MOCS1: variants seen among roughly 807,000 people sequenced by gnomAD.
MOCS1 encodes molybdenum cofactor biosynthesis protein 1.
Under a neutral mutation model 57.6 loss-of-function variants are expected in MOCS1, and 39 were observed. The observed-to-expected ratio is 0.68, with a 90% confidence interval of 0.52 to 0.88. The LOEUF (loss-of-function observed/expected upper bound fraction) is 0.88. MOCS1 is among the 40% of genes least tolerant of loss of function. The probability of loss-of-function intolerance (pLI) is 0.00; values close to 1 mark genes in which losing one functional copy is unlikely to be tolerated. For missense variants in MOCS1, 795 were observed against 831.1 expected, an observed-to-expected ratio of 0.96 and a Z score of 0.53; for synonymous variants, 334 against 335.7, an observed-to-expected ratio of 1.00 and a Z score of 0.05.
chr6:39,905,615 G>C lies in MOCS1; in HGVS notation c.*742C>G, dbSNP rs1766838120. 1 of 471,090 alleles carries C rather than the reference G, an allele frequency of 2.1e-6. No individual in the cohort carries two copies. Among genetic ancestry groups the C allele is most frequent in the African/African-American group, 2.0e-5 (1 of 50,088 alleles). The allele number at this position is 471,090 out of a possible 1,614,324, so 29.2% of individuals were successfully genotyped here. On this transcript the variant is annotated 3_prime_UTR_variant, in exon 11 of 11. Coordinates refer to ENST00000340692, the MANE Select transcript of MOCS1 (RefSeq NM_001358530.2). The stretch of plus-strand genomic sequence containing the variant: ...TTTCCCTGATATGCTCCAGAATAAA[G>C]AGGGGTGGGTGGAACAGCCGTGAAC...
At position 39,906,370 on chromosome 6, in the gene MOCS1, A is replaced by G; in HGVS notation, c.1898T>C (p.Phe633Ser). 1.3e-6 allele frequency: 2 copies of G among 1,595,812 alleles called. No individual in the cohort carries two copies. Among genetic ancestry groups the G allele is most frequent in the Non-Finnish European group, 1.7e-6 (2 of 1,167,868 alleles). Residue 633 changes from phenylalanine to serine, a missense_variant, in exon 11 of 11, where the codon TTC becomes TCC. Phe to Ser is a radical substitution (Grantham distance 155). This residue lies in a region of MOCS1 where 374 missense variants were observed against 422.6 expected (regional missense o/e 0.89). Coordinates refer to ENST00000340692, the MANE Select transcript of MOCS1 (RefSeq NM_001358530.2). The part of the protein sequence containing the change: ...ISKTGGQRGD[F>S]HRA ...GAAGGGCAGGTGCTAAGCCCGATGGAAGTCCCCCCGCTGACCACCAGTCTT... is the reference window on the plus strand; with the variant it reads ...GAAGGGCAGGTGCTAAGCCCGATGGGAGTCCCCCCGCTGACCACCAGTCTT...
chr6:39,910,895 T>C (rs1424545392), intron 8 of MOCS1, among the ~76,000 whole-genome samples: 1 of 152,028 alleles, frequency 6.6e-6, no homozygotes, highest in Non-Finnish European at 1.5e-5. Flanking sequence ...TTCAGGCATT[T>C]CTCCCCTACT....
At chr6:39,923,651 G>C (rs937243084) in intron 3 of MOCS1, among the ~76,000 whole-genome samples, 1 of 152,262 alleles carries the variant, frequency 6.6e-6, no homozygotes, top group Admixed American at 6.5e-5. Context: ...TAGCCCTGAG[G>C]AGCTGCCTGG....
In MOCS1 at chr6:39,916,116, G is replaced by C. The variant is rs1270064145; in HGVS notation, c.535C>G (p.Leu179Val). ...KAGLSAINIS[L>V]DTLVPAKFEF... is the part of the protein sequence containing the mutation. ...AACTTGGCAGGCACCAGGGTGTCCA[G>C]GCTGATGTTGATGGCACTGAGACCA... Residue 179 changes from leucine (L) to valine (V), a missense_variant, in exon 4 of 11, where the codon CTG becomes GTG. Around this residue, in one of 3 missense-constraint regions of MOCS1, gnomAD observed 416 missense variants for 392.4 expected, o/e 1.06. Transcript: ENST00000340692. 1.9e-6 allele frequency: 3 copies of C among 1,613,802 alleles called. No individual in the cohort carries two copies. Among genetic ancestry groups the C allele is most frequent in the Non-Finnish European group, 1.7e-6 (2 of 1,179,918 alleles).
At chr6:39,922,353 T>C (rs980073550) in intron 3 of MOCS1, among the ~76,000 whole-genome samples, 1 of 152,184 alleles carries the variant, frequency 6.6e-6, no homozygotes, top group South Asian at 2.1e-4. Context: ...TGGCCTAGGA[T>C]GGCTTTGAAT....
chr6:39,906,638 C>T lies in MOCS1; in HGVS notation c.1630G>A (p.Ala544Thr). 3.1e-6 allele frequency: 5 copies of T among 1,613,914 alleles called. No individual in the cohort carries two copies. The highest frequency in any genetic ancestry group is 4.2e-6 in the Non-Finnish European group (5 of 1,180,046). ...VVAQLAGVQA[A>T]KVTSQLIPLC... ...GGGATCAGCTGGCTGGTCACCTTGG[C>T]TGCCTGGACTCCAGCCAGCTGGGCC... is the stretch of plus-strand genomic sequence containing the variant. Residue 544 changes from alanine to threonine, a missense_variant, in exon 11 of 11, where the codon GCC (alanine) becomes ACC (threonine). Transcript: ENST00000340692.
In MOCS1 at chr6:39,905,078, A is replaced by ATATT. The variant is rs1327044690; in HGVS notation, c.*1275_*1278dup. The ATATT allele has an allele frequency of 4.4e-6, 2 of 454,194 alleles. No homozygotes were observed. Among genetic ancestry groups the ATATT allele is most frequent in the African/African-American group, 4.0e-5 (2 of 49,992 alleles). The allele number at this position is 454,194 out of a possible 1,614,324, so 28.1% of individuals were successfully genotyped here. A position where few individuals can be genotyped will look rare whatever the true frequency, so the allele number is the denominator to read the frequency against. On this transcript the variant is annotated 3_prime_UTR_variant, in exon 11 of 11. Transcript: ENST00000340692. The stretch of plus-strand genomic sequence containing the variant: ...TCTTTTCCAGAGAGCTGGTTGTTTA[A>ATATT]TATTTGCCAGCACACCTTGGCATAG...
At chr6:39,929,086 G>C (rs1435761637) in intron 1 of MOCS1, among the ~76,000 whole-genome samples, 2 of 152,180 alleles carry the variant, frequency 1.3e-5, no homozygotes, top group Non-Finnish European at 2.9e-5. Context: ...TAAGAGACAT[G>C]AGAGTATGTG....
rs11968529 is a variant in MOCS1 at position 39,905,979 on chromosome 6, C to T, written c.*378G>A. 0.025 allele frequency: 11,704 copies of T among 473,954 alleles called. 394 individuals are homozygous for T. Among genetic ancestry groups the T allele is most frequent in the African/African-American group, 0.11 (5,627 of 50,846 alleles). The allele number at this position is 473,954 out of a possible 1,614,324, so 29.4% of individuals were successfully genotyped here. On this transcript the variant is annotated 3_prime_UTR_variant, in exon 11 of 11. Transcript: ENST00000340692. ...AGCGCTTAATCTCTCCCCAGGAAAG[C>T]AGGAGAAGAGAAAACCCAAAATGAG... is the stretch of plus-strand genomic sequence containing the variant.
intron 3 of MOCS1, among the ~76,000 whole-genome samples, chr6:39,923,565 C>A (rs1768096598): frequency 1.3e-5 from 2 of 152,264 alleles, no homozygotes; most frequent in Non-Finnish European, 1.5e-5. Context: ...GAGGAAGTGG[C>A]CTGGATGAGG....
intron 3 of MOCS1, among the ~76,000 whole-genome samples, chr6:39,922,021 G>A (rs968922861): frequency 2.0e-5 from 3 of 152,166 alleles, no homozygotes; most frequent in African/African-American, 4.8e-5. Context: ...GTGGCCAGTC[G>A]TTCGGGAAGT....
At chr6:39,910,093 A>C (rs762678611) in intron 8 of MOCS1, 138 bp from the exon 9 acceptor site, 2 of 1,301,706 alleles carry the variant, frequency 1.5e-6, no homozygotes, top group Non-Finnish European at 2.2e-6. Context: ...GGCCCCTAGC[A>C]GTGAGAGACA....
chr6:39,928,546 A>C (rs1768469984), intron 1 of MOCS1, among the ~76,000 whole-genome samples: 1 of 152,162 alleles, frequency 6.6e-6, no homozygotes, highest in Non-Finnish European at 1.5e-5. Context: ...GGTGGGTAGA[A>C]GTCACTTCTC....
In MOCS1 at chr6:39,912,502, C is replaced by T; in HGVS notation, c.871-128G>A. 4.1e-6 allele frequency: 3 copies of T among 735,792 alleles called. No individual in the cohort carries two copies. In the South Asian group the frequency reaches 4.5e-5, roughly 11 times the overall value. 45.6% of individuals were successfully genotyped at this position (735,792 alleles called of 1,614,324 possible). On this transcript the variant is annotated intron_variant, in intron 7 of 10. Transcript: ENST00000340692. ...CCAGAGGACCCCACGTGAAGCTCCA[C>T]CCAAGGCCCTCAGGTGATAGAAGAC...
At chr6:39,931,401 G>A (rs953939191) in intron 1 of MOCS1, among the ~76,000 whole-genome samples, 9 of 152,120 alleles carry the variant, frequency 5.9e-5, no homozygotes, top group Admixed American at 4.6e-4. Context: ...AAGTATCGTG[G>A]CCCTGATTTA....
chr6:39,916,361 AAC>A, intron 3 of MOCS1, 129 bp from the exon 4 acceptor site: 1 of 1,058,512 alleles, frequency 9.4e-7, no homozygotes, highest in Non-Finnish European at 1.4e-6. Context: ...GACCTATATT[AAC>A]CAGGCCTAAC....
At chr6:39,922,491 A>T (rs1768026830) in intron 3 of MOCS1, among the ~76,000 whole-genome samples, 4 of 152,160 alleles carry the variant, frequency 2.6e-5, no homozygotes, top group Admixed American at 1.3e-4. Flanking sequence ...ACTGTGGCCC[A>T]GGGAAGCCAA....
chr6:39,929,918 G>A (rs1369191139), intron 1 of MOCS1, among the ~76,000 whole-genome samples: 1 of 142,120 alleles, frequency 7.0e-6, no homozygotes, highest in Non-Finnish European at 1.5e-5. Context: ...CTCCAGCCTG[G>A]GCAACAGAGC....
chr6:39,915,414 C>T (rs1767599897), intron 4 of MOCS1, among the ~76,000 whole-genome samples: 2 of 152,134 alleles, frequency 1.3e-5, no homozygotes, highest in Admixed American at 6.5e-5. Context: ...GTCATGTACC[C>T]CCTCCCAAAT....
Sources: gnomAD v4.1 joint callset for allele counts (sites outside exome capture counted in the v4.1 genomes callset) on GRCh38, gnomAD v4.1.1 for gene constraint, gnomAD v4.1.1 regional missense constraint, MANE v1.5 for transcripts, NCBI Gene and HGNC (gene_info 2026-07-23, HGNC 2026-07-21) for gene names.